The following PCDHA3 variants were observed in gnomAD, a reference collection of about 807,000 sequenced individuals.
The protein encoded by PCDHA3 is protocadherin alpha-3.
In PCDHA3, 41 loss-of-function variants were observed where a neutral mutation model predicts 62.2. That is an observed-to-expected ratio of 0.66 (90% CI 0.51 to 0.86). The LOEUF (loss-of-function observed/expected upper bound fraction) is 0.86, where lower values mean the gene tolerates loss of function less well. Among genes scored for constraint, PCDHA3 ranks in the 40% least tolerant of loss-of-function variants. PCDHA3 has a pLI of 0.00. For missense variants in PCDHA3, 1,304 were observed against 1,241.2 expected (o/e 1.05, Z -0.76); for synonymous variants, 640 against 555.4 (o/e 1.15, Z -2.14).
chr5:140,803,310 T>G lies in PCDHA3; in HGVS notation c.2113T>G (p.Cys705Gly). 1 of 1,614,150 alleles carries G rather than the reference T, an allele frequency of 6.2e-7. No homozygotes were observed. The highest frequency in any genetic ancestry group is 2.2e-5 in the East Asian group (1 of 44,878). The change falls in exon 1 of 4, where the codon TGC becomes GGC. Residue 705 changes from cysteine (C) to glycine (G), a missense_variant. Cys to Gly is a radical substitution (Grantham distance 159, BLOSUM62 -3). Coordinates refer to ENST00000522353, the MANE Select transcript of PCDHA3 (RefSeq NM_018906.3). ...CAACGTGTACTTGATCGTCGCCATC[T>G]GCGCGGTGTCCAGTCTGTTGGTGCT... ...DVNVYLIVAI[C>G]AVSSLLVLTL...
At chr5:141,006,882 G>A (rs1442637421) in intron 3 of PCDHA3, among the ~76,000 whole-genome samples, 1 of 152,204 alleles carries the variant, frequency 6.6e-6, no homozygotes, top group Non-Finnish European at 1.5e-5. Flanking sequence ...GGAATCAAGA[G>A]TTTGATTTCA....
intron 1 of PCDHA3, chr5:140,875,958 C>T (rs1312300687): frequency 1.2e-6 from 2 of 1,613,962 alleles, no homozygotes; most frequent in Admixed American, 3.3e-5. Context: ...ATGCGGATAT[C>T]GGCGTAAACT....
Position 140,963,857 on chromosome 5 carries a change from G to A in PCDHA3, c.2395-15092G>A, listed in dbSNP as rs181224305. The stretch of plus-strand genomic sequence containing the variant: ...TTCTCATGTAATCATAATAATAACC[G>A]TATGAGTTTTGCTTACTATTGTTTT... On this transcript the variant is annotated intron_variant, in intron 1 of 3. Transcript: ENST00000522353. Among the ~76,000 whole-genome samples the A allele has an allele frequency of 5.3e-5, 8 of 152,252 alleles. 1 individual carries two copies. The East Asian group carries it at 7.7e-4, about 15-fold the overall frequency.
rs781792274 is a variant in PCDHA3, at chr5:140,927,895, G to A, written c.2395-51054G>A. The A allele has an allele frequency of 4.3e-5, 70 of 1,614,074 alleles. No homozygotes were observed. The highest frequency in any genetic ancestry group is 5.3e-5 in the Non-Finnish European group (62 of 1,180,048). On this transcript the variant is annotated intron_variant, in intron 1 of 3. Coordinates refer to ENST00000522353, the MANE Select transcript of PCDHA3 (RefSeq NM_018906.3). ...GCTGGTGGAGGTGACTGACGTGAACGATCATGCCCCCGAACTGGACTTCCT... is the reference window on the plus strand; with the variant it reads ...GCTGGTGGAGGTGACTGACGTGAACAATCATGCCCCCGAACTGGACTTCCT...
At chr5:140,931,519 A>G (rs578009368) in intron 1 of PCDHA3, among the ~76,000 whole-genome samples, 6 of 152,054 alleles carry the variant, frequency 3.9e-5, no homozygotes, top group Non-Finnish European at 8.8e-5. Flanking sequence ...TGAATGATTA[A>G]CAAAATAATA....
chr5:140,921,051 C>T (rs2079992855), intron 1 of PCDHA3, among the ~76,000 whole-genome samples: 1 of 151,910 alleles, frequency 6.6e-6, no homozygotes, highest in Non-Finnish European at 1.5e-5. Context: ...GCAATCATAG[C>T]TCACTCTAAC....
chr5:140,841,711 G>A (rs1385576183), intron 1 of PCDHA3: 3 of 1,613,772 alleles, frequency 1.9e-6, no homozygotes, highest in Admixed American at 1.7e-5. Flanking sequence ...ATGACAACCC[G>A]CCAGTGTTCC....
In PCDHA3 at chr5:141,011,816, A is replaced by G. The variant is rs1382441831; in HGVS notation, c.*1879A>G. The G allele has an allele frequency of 1.3e-5, 2 of 153,794 alleles. No homozygotes were observed. Among genetic ancestry groups the G allele is most frequent in the Admixed American group, 1.3e-4 (2 of 15,280 alleles). The allele number at this position is 153,794 out of a possible 1,614,324, so 9.5% of individuals were successfully genotyped here. On this transcript the variant is annotated 3_prime_UTR_variant, in exon 4 of 4. Transcript: ENST00000522353. ...TCTGAAATATCAGCTCATAGAAAGT[A>G]ACAAAATTTGCTGTCACCTTAAATA...
At chr5:140,921,958 A>G (rs155363) in intron 1 of PCDHA3, among the ~76,000 whole-genome samples, 87,659 of 151,706 alleles carry the variant, frequency 0.58, 26,267 homozygotes, top group African/African-American at 0.75. Flanking sequence ...AAATCCCAGA[A>G]AACCAAAGGA....
At chr5:140,893,880 G>T (rs1426434148) in intron 1 of PCDHA3, among the ~76,000 whole-genome samples, 1 of 152,090 alleles carries the variant, frequency 6.6e-6, no homozygotes, top group African/African-American at 2.4e-5. Flanking sequence ...ATCCAAAGTG[G>T]CCAGAAAGTT....
chr5:140,849,744 A>G lies in PCDHA3; in HGVS notation c.2394+46153A>G, dbSNP rs2150447733. On this transcript the variant is annotated intron_variant, in intron 1 of 3. Coordinates refer to ENST00000522353, the MANE Select transcript of PCDHA3 (RefSeq NM_018906.3). ...GCTGGACAGAGCTCTGGACCGCGAG[A>G]GTGTGTCCGCCTACGAGCTGGTGGT... The G allele has an allele frequency of 1.1e-5, 18 of 1,598,098 alleles. No homozygotes were observed. In the South Asian group the frequency reaches 1.4e-4, roughly 13 times the overall value.
intron 1 of PCDHA3, among the ~76,000 whole-genome samples, chr5:140,934,787 C>A (rs1383149637): frequency 6.6e-6 from 1 of 152,096 alleles, no homozygotes; most frequent in African/African-American, 2.4e-5. Context: ...CAATCCATGT[C>A]AATTATCTTT....
intron 1 of PCDHA3, chr5:140,805,308 C>CT: frequency 7.8e-7 from 1 of 1,274,928 alleles, no homozygotes; most frequent in Non-Finnish European, 9.9e-7. Flanking sequence ...ATTCTTCCTC[C>CT]TTTTTTCCAA....
rs111298048 is a variant in PCDHA3 at position 140,841,325 on chromosome 5, G to A, written c.2394+37734G>A. ...TGATAGGAAACGACTATTTAACATG[G>A]ATTATCACTGGCGAGGAGAGCTGGG... On this transcript the variant is annotated intron_variant, in intron 1 of 3. Coordinates refer to ENST00000522353, the MANE Select transcript of PCDHA3 (RefSeq NM_018906.3). 9,405 of 1,608,142 alleles carry A rather than the reference G, an allele frequency of 5.8e-3. 135 individuals are homozygous for A. Among genetic ancestry groups the A allele is most frequent in the Non-Finnish European group, 7.0e-3 (8,183 of 1,176,604 alleles).
intron 1 of PCDHA3, among the ~76,000 whole-genome samples, chr5:140,922,046 A>C (rs1388720677): frequency 6.6e-6 from 1 of 152,150 alleles, no homozygotes; most frequent in Non-Finnish European, 1.5e-5. Flanking sequence ...TTTCCCACAT[A>C]CCTTCAAAAT....
chr5:141,000,393 C>CTATAAATATATA (rs1563650230), intron 3 of PCDHA3, among the ~76,000 whole-genome samples: 1 of 52,856 alleles, frequency 1.9e-5, no homozygotes, highest in African/African-American at 9.2e-5. Flanking sequence ...CTCTCTCTCT[C>CTATAAATATATA]TCTATATATA....
rs1763431287 is a variant in PCDHA3, at chr5:140,804,660, C to T, written c.2394+1069C>T. 3 of 157,140 alleles carry T rather than the reference C, an allele frequency of 1.9e-5. No homozygotes were observed. In the Admixed American group the frequency reaches 2.0e-4, roughly 10 times the overall value. 9.7% of individuals were successfully genotyped at this position (157,140 alleles called of 1,614,324 possible). On this transcript the variant is annotated intron_variant, in intron 1 of 3. Coordinates refer to ENST00000522353, the MANE Select transcript of PCDHA3 (RefSeq NM_018906.3). ...ATCCTGCCTATTAATGTGTGCCATG[C>T]AATAAGTAGAAAACTCCAAATAACC...
intron 1 of PCDHA3, among the ~76,000 whole-genome samples, chr5:140,897,646 C>T (rs1336141431): frequency 1.3e-5 from 2 of 152,128 alleles, no homozygotes; most frequent in African/African-American, 4.8e-5. Flanking sequence ...CCACAATAAA[C>T]ATACGTGTGC....
At chr5:140,857,839 C>A in intron 1 of PCDHA3, 1 of 1,597,776 alleles carries the variant, frequency 6.3e-7, no homozygotes, top group South Asian at 1.1e-5. Flanking sequence ...GCGCAGTGGA[C>A]GCTGACTCTG....
Sources: gnomAD v4.1 joint callset for allele counts (sites outside exome capture counted in the v4.1 genomes callset) on GRCh38, gnomAD v4.1.1 for gene constraint, MANE v1.5 for transcripts, NCBI Gene and HGNC (gene_info 2026-07-23, HGNC 2026-07-21) for gene names.